Variants in WWOX observed in about 807,000 individuals in gnomAD.
WWOX encodes the protein WW domain-containing oxidoreductase.
Under a neutral mutation model 46.2 loss-of-function variants are expected in WWOX, and 69 were observed. The observed-to-expected ratio is 1.49, with a 90% CI of 1.23 to 1.82. The LOEUF (loss-of-function observed/expected upper bound fraction) is 1.82, where lower values mean the gene tolerates loss of function less well. Among genes scored for constraint, WWOX ranks in the 40% most tolerant of loss-of-function variants. WWOX has a pLI of 0.00. For synonymous variants in WWOX, 359 were observed against 202.6 expected, an observed-to-expected ratio of 1.77 and a Z score of -6.56; for missense variants, 919 against 542.6, an observed-to-expected ratio of 1.69 and a Z score of -6.89.
At chr16:78,774,006 C>T (rs1038108257) in intron 8 of WWOX, among the ~76,000 whole-genome samples, 14 of 152,224 alleles carry the variant, frequency 9.2e-5, no homozygotes, top group African/African-American at 3.1e-4. Context: ...TTTAAAGATG[C>T]ATGTGCATAT....
chr16:78,634,505 A>T (rs2046516903), intron 8 of WWOX, among the ~76,000 whole-genome samples: 1 of 152,016 alleles, frequency 6.6e-6, no homozygotes, highest in East Asian at 1.9e-4. Context: ...CAGGAGTTCG[A>T]GACCAGCCTG....
chr16:78,663,538 G>A (rs11862140), intron 8 of WWOX, among the ~76,000 whole-genome samples: 26,895 of 152,090 alleles, frequency 0.18, 3,196 homozygotes, highest in African/African-American at 0.33. Flanking sequence ...GGTTGCTTCT[G>A]ATTTCTATTA....
intron 8 of WWOX, among the ~76,000 whole-genome samples, chr16:78,755,649 C>T (rs1175821959): frequency 6.6e-6 from 1 of 152,214 alleles, no homozygotes; most frequent in East Asian, 1.9e-4. Context: ...CATCACCTGC[C>T]TTGGTTGGGG....
chr16:79,209,417 C>T (rs569511351), intron 8 of WWOX, among the ~76,000 whole-genome samples: 56 of 152,204 alleles, frequency 3.7e-4, no homozygotes, highest in Non-Finnish European at 5.4e-4. Flanking sequence ...CTTTCCCAAA[C>T]GGACTGCTTT....
chr16:78,967,745 A>T (rs1039969442), intron 8 of WWOX, among the ~76,000 whole-genome samples: 4 of 152,086 alleles, frequency 2.6e-5, no homozygotes, highest in African/African-American at 9.7e-5. Flanking sequence ...ACTTAGGAGG[A>T]CTCAGAAGCT....
chr16:79,005,978 G>A (rs967001460), intron 8 of WWOX, among the ~76,000 whole-genome samples: 7 of 152,110 alleles, frequency 4.6e-5, no homozygotes, highest in African/African-American at 9.7e-5. Context: ...GGGGACAGGC[G>A]GCAGGTGTTT....
At chr16:78,755,562 T>G (rs2049623337) in intron 8 of WWOX, among the ~76,000 whole-genome samples, 1 of 152,162 alleles carries the variant, frequency 6.6e-6, no homozygotes, top group African/African-American at 2.4e-5. Flanking sequence ...CTACATTATT[T>G]AGTAAATAGC....
intron 8 of WWOX, among the ~76,000 whole-genome samples, chr16:78,731,790 T>C (rs943315188): frequency 3.0e-4 from 45 of 151,732 alleles, no homozygotes; most frequent in African/African-American, 1.0e-3. Flanking sequence ...TTTTATAACA[T>C]GCAACAAAAA....
intron 3 of WWOX, among the ~76,000 whole-genome samples, chr16:78,114,198 C>T (rs1039277502): frequency 6.6e-6 from 1 of 150,804 alleles, no homozygotes; most frequent in Non-Finnish European, 1.5e-5. Context: ...CTTAGGCTCA[C>T]GTGATCATCC....
intron 8 of WWOX, among the ~76,000 whole-genome samples, chr16:78,662,713 A>G (rs904046284): frequency 1.3e-5 from 2 of 152,156 alleles, no homozygotes; most frequent in African/African-American, 4.8e-5. Context: ...GCTGTAATTG[A>G]GGGTGGTCAT....
At chr16:78,650,275 G>A (rs969962312) in intron 8 of WWOX, among the ~76,000 whole-genome samples, 3 of 152,312 alleles carry the variant, frequency 2.0e-5, no homozygotes, top group African/African-American at 4.8e-5. Flanking sequence ...CTTTGAAGAT[G>A]AAGAAGTATG....
At position 79,135,244 on chromosome 16, in the gene WWOX, A is replaced by T. The variant is rs1243683747; in HGVS notation, c.1057-76364A>T. ...CACGTAAATATGCATACTCATAAATATGCATTCATATTTTGTGTATGAGTA... is the reference window on the plus strand; with the variant it reads ...CACGTAAATATGCATACTCATAAATTTGCATTCATATTTTGTGTATGAGTA... On this transcript the variant is annotated intron_variant, in intron 8 of 8. Coordinates refer to ENST00000566780, the MANE Select transcript of WWOX (RefSeq NM_016373.4). Among the ~76,000 whole-genome samples the T allele has an allele frequency of 2.0e-5, 3 of 152,308 alleles. No individual in the cohort carries two copies. The East Asian group carries it at 5.8e-4, about 29-fold the overall frequency.
intron 5 of WWOX, among the ~76,000 whole-genome samples, chr16:78,271,339 C>G (rs1597429545): frequency 6.6e-6 from 1 of 152,306 alleles, no homozygotes; most frequent in Non-Finnish European, 1.5e-5. Flanking sequence ...TGTAAACTCG[C>G]TCTTGCTTCC....
At chr16:78,812,027 C>A (rs2051202530) in intron 8 of WWOX, among the ~76,000 whole-genome samples, 1 of 151,786 alleles carries the variant, frequency 6.6e-6, no homozygotes, top group Non-Finnish European at 1.5e-5. Flanking sequence ...GTGGTTCTTA[C>A]CCTCATCATT....
chr16:78,915,166 G>A (rs1273495977), intron 8 of WWOX, among the ~76,000 whole-genome samples: 1 of 152,068 alleles, frequency 6.6e-6, no homozygotes, highest in Non-Finnish European at 1.5e-5. Flanking sequence ...TTTTCTTCAT[G>A]TGCCTCCCCA....
At chr16:79,008,294 T>C (rs184365872) in intron 8 of WWOX, among the ~76,000 whole-genome samples, 1 of 152,290 alleles carries the variant, frequency 6.6e-6, no homozygotes, top group Non-Finnish European at 1.5e-5. Context: ...TGAGTCACTC[T>C]CTTCAGTGAG....
chr16:78,433,380 G>A (rs955684292), intron 8 of WWOX, among the ~76,000 whole-genome samples: 3 of 152,262 alleles, frequency 2.0e-5, no homozygotes, highest in African/African-American at 7.2e-5. Context: ...TTCATTTATC[G>A]ACCATATTAA....
At chr16:78,731,004 C>T (rs1324670111) in intron 8 of WWOX, among the ~76,000 whole-genome samples, 3 of 151,998 alleles carry the variant, frequency 2.0e-5, no homozygotes, top group African/African-American at 4.8e-5. Flanking sequence ...AACTGCAGAG[C>T]CATTGATATT....
Position 78,791,263 on chromosome 16 carries a change from T to A in WWOX, c.1056+358511T>A, listed in dbSNP as rs187438358. The stretch of plus-strand genomic sequence containing the variant: ...AAGCAAACACACACCCTCCCTCCGA[T>A]CCACCAGGCACTCGGGTTTCCTGTG... On this transcript the variant is annotated intron_variant, in intron 8 of 8. Transcript: ENST00000566780. Among the ~76,000 whole-genome samples, 433 of 152,140 alleles carry A rather than the reference T, an allele frequency of 2.8e-3. 3 individuals carry two copies. Among genetic ancestry groups the A allele is most frequent in the Non-Finnish European group, 4.7e-3 (321 of 68,010 alleles).
Sources: gnomAD v4.1 joint callset for allele counts (sites outside exome capture counted in the v4.1 genomes callset) on GRCh38, gnomAD v4.1.1 for gene constraint, MANE v1.5 for transcripts, NCBI Gene and HGNC (gene_info 2026-07-23, HGNC 2026-07-21) for gene names.